The following SGCZ variants were observed in gnomAD, a reference collection of about 807,000 sequenced individuals.
The protein encoded by SGCZ is zeta-sarcoglycan.
SGCZ carries 40 observed loss-of-function variants against 41.3 expected under a neutral mutation model. The ratio of observed to expected loss-of-function variants is 0.97; its 90% CI spans 0.75 to 1.26. The LOEUF is 1.26. Among genes scored for constraint, SGCZ ranks in the 50% most tolerant of loss-of-function variants. The pLI is 0.00. For missense variants in SGCZ, 552 were observed against 369.8 expected, an observed-to-expected ratio of 1.49 and a Z score of -4.04; for synonymous variants, 206 against 137.5, an observed-to-expected ratio of 1.50 and a Z score of -3.49.
chr8:15,069,487 G>C (rs1805274402), intron 1 of SGCZ, among the ~76,000 whole-genome samples: 1 of 152,156 alleles, frequency 6.6e-6, no homozygotes, highest in South Asian at 2.1e-4. Context: ...AGTGGAATTT[G>C]CTTTCATTTT....
intron 5 of SGCZ, among the ~76,000 whole-genome samples, chr8:14,117,378 G>C (rs1345054690): frequency 1.4e-5 from 2 of 139,898 alleles, no homozygotes; most frequent in Non-Finnish European, 3.0e-5. Context: ...TTTTGAGAAA[G>C]CTTAAATTGT....
intron 2 of SGCZ, among the ~76,000 whole-genome samples, chr8:14,471,164 T>C (rs554707515): frequency 6.6e-6 from 1 of 152,270 alleles, no homozygotes; most frequent in East Asian, 1.9e-4. Context: ...AAATGTAACA[T>C]TGACTAAAGC....
chr8:14,616,237 C>T (rs967561543), intron 1 of SGCZ, among the ~76,000 whole-genome samples: 10 of 150,784 alleles, frequency 6.6e-5, no homozygotes, highest in African/African-American at 2.2e-4. Context: ...GAGTGGAGAT[C>T]GCATCACTGC....
chr8:14,102,380 C>T lies in SGCZ; in HGVS notation c.740G>A (p.Gly247Glu). Residue 247 changes from glycine to glutamate, a missense_variant, in exon 7 of 8, where the codon GGG (glycine) becomes GAG (glutamate). By Grantham distance (98) the Gly-to-Glu change is moderately conservative (BLOSUM62 -2). Transcript: ENST00000382080. ...RKELHLQSTE[G>E]EIFLNAETIK... ...GTCCAACTTTCTGGGACTCACCTCC[C>T]CTTCTGTAGATTGCAGATGGAGCTC... The T allele has an allele frequency of 2.0e-6, 3 of 1,491,148 alleles. No homozygotes were observed. The highest frequency in any genetic ancestry group is 2.7e-6 in the Non-Finnish European group (3 of 1,104,130). The allele number at this position is 1,491,148 out of a possible 1,614,324, so 92.4% of individuals were successfully genotyped here. A position where few individuals can be genotyped will look rare whatever the true frequency, so the allele number is the denominator to read the frequency against.
At chr8:14,371,207 T>G (rs886789719) in intron 2 of SGCZ, among the ~76,000 whole-genome samples, 3 of 151,990 alleles carry the variant, frequency 2.0e-5, no homozygotes, top group Admixed American at 2.0e-4. Context: ...AGAATCCAGA[T>G]GTCCAAAAAA....
At chr8:14,127,580 C>T (rs989129960) in intron 5 of SGCZ, among the ~76,000 whole-genome samples, 7 of 152,024 alleles carry the variant, frequency 4.6e-5, no homozygotes, top group South Asian at 2.1e-4. Context: ...CTCAGCCTCC[C>T]GAGTAGCTGG....
chr8:14,769,298 T>G lies in SGCZ; in HGVS notation c.40-214372A>C, dbSNP rs375736442. Among the ~76,000 whole-genome samples, 88 of 152,306 alleles carry G rather than the reference T, an allele frequency of 5.8e-4. 3 individuals are homozygous for G. The highest frequency in any genetic ancestry group is 2.0e-3 in the African/African-American group (82 of 41,570). On this transcript the variant is annotated intron_variant, in intron 1 of 7. Coordinates refer to ENST00000382080, the MANE Select transcript of SGCZ (RefSeq NM_139167.4). ...AGGAATTCACAAGGGGCTTATCATGTGAAAAACCCTTTCTGCAAATAAACA... is the reference window on the plus strand; with the variant it reads ...AGGAATTCACAAGGGGCTTATCATGGGAAAAACCCTTTCTGCAAATAAACA...
intron 2 of SGCZ, among the ~76,000 whole-genome samples, chr8:14,402,833 T>G (rs911747092): frequency 7.4e-5 from 11 of 149,396 alleles, no homozygotes; most frequent in African/African-American, 2.8e-4. Flanking sequence ...AAGAAAGGCA[T>G]TGGTAGCTTG....
intron 1 of SGCZ, among the ~76,000 whole-genome samples, chr8:14,921,117 T>C (rs1297354209): frequency 6.6e-6 from 1 of 152,162 alleles, no homozygotes; most frequent in Non-Finnish European, 1.5e-5. Flanking sequence ...AGTGGAGTGG[T>C]TGAGGACTGT....
intron 1 of SGCZ, among the ~76,000 whole-genome samples, chr8:15,163,922 C>G (rs1383216518): frequency 6.6e-6 from 1 of 152,226 alleles, no homozygotes; most frequent in Admixed American, 6.5e-5. Flanking sequence ...AGCCTGCCCA[C>G]TGAGGTGGGG....
intron 3 of SGCZ, among the ~76,000 whole-genome samples, chr8:14,307,879 T>C (rs1237011582): frequency 1.3e-5 from 2 of 152,122 alleles, no homozygotes; most frequent in Non-Finnish European, 2.9e-5. Context: ...GTGGTCTATT[T>C]TGCATTTCAA....
chr8:14,353,020 C>T (rs932191084), intron 2 of SGCZ, among the ~76,000 whole-genome samples: 6 of 151,920 alleles, frequency 3.9e-5, no homozygotes, highest in African/African-American at 9.7e-5. Context: ...ACTTTCTGGG[C>T]GTTCTTACCT....
At chr8:14,622,090 T>G (rs1015643726) in intron 1 of SGCZ, among the ~76,000 whole-genome samples, 9 of 152,006 alleles carry the variant, frequency 5.9e-5, no homozygotes, top group Admixed American at 5.9e-4. Context: ...TTTGTATAGG[T>G]AGAAAAAAGA....
intron 1 of SGCZ, among the ~76,000 whole-genome samples, chr8:14,902,936 T>A (rs1036371022): frequency 6.6e-6 from 1 of 152,150 alleles, no homozygotes; most frequent in Non-Finnish European, 1.5e-5. Context: ...GAAAAACGAT[T>A]TGTATTGGCA....
intron 1 of SGCZ, among the ~76,000 whole-genome samples, chr8:14,986,641 A>T (rs146820873): frequency 1.1e-3 from 164 of 152,184 alleles, no homozygotes; most frequent in African/African-American, 3.8e-3. Flanking sequence ...ACAATATTCA[A>T]TGTTTTAAAA....
chr8:14,533,021 T>C (rs12545663), intron 2 of SGCZ, among the ~76,000 whole-genome samples: 54,483 of 151,866 alleles, frequency 0.36, 10,308 homozygotes, highest in East Asian at 0.43. Context: ...ATACTTTAAG[T>C]TCTAGTGTAC....
In SGCZ at chr8:14,086,739, G is replaced by T. The variant is rs1016691873; in HGVS notation, c.*3704C>A. Reference sequence around the variant, plus strand: ...GTTCAAATGTTAAGAGTGTAAAAGGGAGTATAAAAAAGAGCATAGGAAGTA... The same window carrying T: ...GTTCAAATGTTAAGAGTGTAAAAGGTAGTATAAAAAAGAGCATAGGAAGTA... On this transcript the variant is annotated 3_prime_UTR_variant, in exon 8 of 8. Coordinates refer to ENST00000382080, the MANE Select transcript of SGCZ (RefSeq NM_139167.4). Among the ~76,000 whole-genome samples the T allele has an allele frequency of 6.6e-6, 1 of 151,592 alleles. No homozygotes were observed. Among genetic ancestry groups the T allele is most frequent in the Non-Finnish European group, 1.5e-5 (1 of 67,726 alleles).
intron 1 of SGCZ, among the ~76,000 whole-genome samples, chr8:14,593,994 G>T (rs1000109736): frequency 5.9e-5 from 9 of 151,946 alleles, no homozygotes; most frequent in Admixed American, 6.6e-5. Flanking sequence ...GGCCCACATG[G>T]TGAAACCCTG....
intron 4 of SGCZ, among the ~76,000 whole-genome samples, chr8:14,173,547 G>A (rs1804453579): frequency 6.6e-6 from 1 of 152,108 alleles, no homozygotes; most frequent in Non-Finnish European, 1.5e-5. Flanking sequence ...TTGAAAAGGT[G>A]TGTATAACAA....
Sources: gnomAD v4.1 joint callset for allele counts (sites outside exome capture counted in the v4.1 genomes callset) on GRCh38, gnomAD v4.1.1 for gene constraint, MANE v1.5 for transcripts, NCBI Gene and HGNC (gene_info 2026-07-23, HGNC 2026-07-21) for gene names.